GPHN: variants seen among roughly 807,000 people sequenced by gnomAD.
GPHN encodes the protein gephyrin.
Under a neutral mutation model 95.5 loss-of-function variants are expected in GPHN, and 17 were observed. The observed-to-expected ratio is 0.18, with a 90% CI of 0.12 to 0.27. GPHN has a LOEUF of 0.27. GPHN is among the 10% of genes least tolerant of loss of function. The pLI, the probability that GPHN is intolerant of heterozygous loss-of-function variation, is 1.00. For synonymous variants in GPHN, 320 were observed against 322.5 expected, an observed-to-expected ratio of 0.99 and a Z score of 0.08; for missense variants, 660 against 978.1, an observed-to-expected ratio of 0.67 and a Z score of 4.34.
chr14:66,541,558 A>G (rs768266383), intron 1 of GPHN, among the ~76,000 whole-genome samples: 17 of 152,160 alleles, frequency 1.1e-4, no homozygotes, highest in Non-Finnish European at 2.2e-4. Flanking sequence ...TTCTATTCAG[A>G]GCAATTCTTA....
chr14:67,098,081 C>T (rs2077490309), intron 12 of GPHN, among the ~76,000 whole-genome samples: 1 of 151,980 alleles, frequency 6.6e-6, no homozygotes, highest in South Asian at 2.1e-4. Flanking sequence ...CATCATGGCA[C>T]ATGTATACAT....
At chr14:66,569,946 C>T (rs748504700) in intron 1 of GPHN, among the ~76,000 whole-genome samples, 2 of 152,144 alleles carry the variant, frequency 1.3e-5, no homozygotes, top group African/African-American at 2.4e-5. Context: ...TCCTCAATCT[C>T]ATCCTCCATC....
the GPHN span, among the ~76,000 whole-genome samples, chr14:67,687,846 T>A: frequency 1.3e-5 from 2 of 151,172 alleles, no homozygotes; most frequent in East Asian, 3.9e-4. Flanking sequence ...TGATCTTGGC[T>A]CACTGCAAAC....
At chr14:67,271,528 C>T in the GPHN span, 1 of 152,152 alleles carries the variant, frequency 6.6e-6, no homozygotes, top group Non-Finnish European at 1.5e-5. Context: ...AAGAATGTGA[C>T]AGGGATTATA....
the GPHN span, chr14:67,692,877 T>C: frequency 1.1e-5 from 13 of 1,198,646 alleles, no homozygotes; most frequent in Non-Finnish European, 1.6e-5. Context: ...TGAATCATCA[T>C]TACTGTGAGG....
At position 66,508,590 on chromosome 14, in the gene GPHN, A is replaced by G; in HGVS notation, c.63A>G (p.Thr21=). 2 of 1,612,844 alleles carry G rather than the reference A, an allele frequency of 1.2e-6. No homozygotes were observed. The highest frequency in any genetic ancestry group is 1.7e-6 in the Non-Finnish European group (2 of 1,178,852). The change falls in exon 1 of 23, where the codon ACA becomes ACG. Residue 21 remains threonine (T), a splice_region_variant and synonymous_variant. Coordinates refer to ENST00000478722, the MANE Select transcript of GPHN (RefSeq NM_020806.5). ...ATCAAATCCGTGTCGGAGTCCTTAC[A>G]GGTAACCGGGGGAGGAGGTCTGGGA... ...HDHQIRVGVL[T]VSDSCFRNLA...
intron 5 of GPHN, 101 bp downstream of exon 5, chr14:66,880,134 A>C (rs2063861369): frequency 1.3e-6 from 1 of 757,726 alleles, no homozygotes; most frequent in South Asian, 1.4e-5. Flanking sequence ...ATATTAAATG[A>C]GCTAGTCCAC....
the GPHN span, among the ~76,000 whole-genome samples, chr14:67,429,240 T>C: frequency 6.6e-6 from 1 of 151,384 alleles, no homozygotes; most frequent in African/African-American, 2.4e-5. Flanking sequence ...ATTTTTTTTT[T>C]TTTTTTTTGA....
the GPHN span, among the ~76,000 whole-genome samples, chr14:67,196,304 C>T: frequency 6.6e-6 from 1 of 151,852 alleles, no homozygotes; most frequent in Non-Finnish European, 1.5e-5. Context: ...GCAACCTCCA[C>T]CTCTCATGTT....
intron 1 of GPHN, among the ~76,000 whole-genome samples, chr14:66,619,219 T>C (rs1276765633): frequency 6.6e-6 from 1 of 152,212 alleles, no homozygotes; most frequent in African/African-American, 2.4e-5. Context: ...GACATTTACT[T>C]TTTTATTCAT....
chr14:66,811,679 T>C (rs942998859), intron 3 of GPHN, among the ~76,000 whole-genome samples: 1 of 152,188 alleles, frequency 6.6e-6, no homozygotes, highest in Non-Finnish European at 1.5e-5. Flanking sequence ...CTCTTACATA[T>C]AGTCATCCAT....
At chr14:66,957,750 A>G (rs74381770) in intron 8 of GPHN, among the ~76,000 whole-genome samples, 1,832 of 152,266 alleles carry the variant, frequency 0.012, 19 homozygotes, top group Non-Finnish European at 0.018. Flanking sequence ...GCCCCAGGCC[A>G]AGGACTGATA....
intron 2 of GPHN, among the ~76,000 whole-genome samples, chr14:66,771,904 T>G (rs2153458523): frequency 6.6e-6 from 1 of 152,220 alleles, no homozygotes; most frequent in African/African-American, 2.4e-5. Context: ...ATGAAAATGT[T>G]GTGACCACAG....
At chr14:67,663,923 C>T in the GPHN span, among the ~76,000 whole-genome samples, 1 of 152,130 alleles carries the variant, frequency 6.6e-6, no homozygotes, top group Non-Finnish European at 1.5e-5. Flanking sequence ...TCATTGACTA[C>T]AAAATGAGGA....
chr14:66,587,205 A>T (rs573970164), intron 1 of GPHN, among the ~76,000 whole-genome samples: 1 of 152,216 alleles, frequency 6.6e-6, no homozygotes, highest in South Asian at 2.1e-4. Context: ...AAAGCTTTAC[A>T]TAATAACAAG....
intron 12 of GPHN, among the ~76,000 whole-genome samples, chr14:67,093,729 G>C (rs542149281): frequency 1.8e-4 from 27 of 152,098 alleles, no homozygotes; most frequent in South Asian, 1.7e-3. Flanking sequence ...ACCTCCCTGC[G>C]TTCCATAGGA....
At chr14:67,397,712 G>C in the GPHN span, 1 of 1,613,460 alleles carries the variant, frequency 6.2e-7, no homozygotes, top group Non-Finnish European at 8.5e-7. Flanking sequence ...CAGCCATCCA[G>C]GAGGATCCGG....
chr14:67,550,114 T>G, the GPHN span, among the ~76,000 whole-genome samples: 2 of 149,392 alleles, frequency 1.3e-5, no homozygotes, highest in African/African-American at 2.5e-5. Flanking sequence ...TTTTATGTAT[T>G]TGGAAATAAG....
chr14:66,836,180 T>A (rs1033315882), intron 4 of GPHN, among the ~76,000 whole-genome samples: 5 of 130,998 alleles, frequency 3.8e-5, no homozygotes, highest in African/African-American at 1.9e-4. Context: ...TCACACTACC[T>A]GACTTCAAAC....
Sources: allele counts gnomAD v4.1 joint callset (sites outside exome capture counted in the v4.1 genomes callset), GRCh38; gene constraint gnomAD v4.1.1; transcripts MANE v1.5; gene names NCBI Gene and HGNC (gene_info 2026-07-23, HGNC 2026-07-21).